NT5M: variants seen among roughly 807,000 people sequenced by gnomAD.
NT5M encodes 5',3'-nucleotidase, mitochondrial.
In NT5M, 22 loss-of-function variants were observed where a neutral mutation model predicts 22.2. The observed-to-expected ratio is 0.99, with a 90% CI of 0.71 to 1.41. The LOEUF (loss-of-function observed/expected upper bound fraction) is 1.41. NT5M is among the 40% of genes most tolerant of loss of function. The pLI is 0.00. For missense variants in NT5M, 322 were observed against 314.8 expected (o/e 1.02, Z -0.17); for synonymous variants, 167 against 133.0 (o/e 1.26, Z -1.76).
At chr17:17,307,963 T>G (rs954821656) in intron 2 of NT5M, among the ~76,000 whole-genome samples, 45 of 151,766 alleles carry the variant, frequency 3.0e-4, no homozygotes, top group African/African-American at 1.0e-3. Flanking sequence ...AGCAGGAGAA[T>G]AGCTTGAGCC....
At chr17:17,319,100 G>A (rs1275004687) in intron 2 of NT5M, among the ~76,000 whole-genome samples, 1 of 151,724 alleles carries the variant, frequency 6.6e-6, no homozygotes, top group Admixed American at 6.6e-5. Flanking sequence ...AATCCCAGCT[G>A]CTTGCGGGGA....
chr17:17,332,475 C>G lies in NT5M; in HGVS notation c.429+9230C>G, dbSNP rs28616155. ...CTCCTAGGTCTTGGAGAGAGCGCCT[C>G]CCCTGGGAGTCCTGCCAGCAATTCT... On this transcript the variant is annotated intron_variant, in intron 3 of 4. Coordinates refer to ENST00000389022, the MANE Select transcript of NT5M (RefSeq NM_020201.4). 3.1e-3 allele frequency among the ~76,000 whole-genome samples: 473 copies of G among 152,290 alleles called. 3 individuals are homozygous for G. Among genetic ancestry groups the G allele is most frequent in the African/African-American group, 0.01 (426 of 41,564 alleles).
At chr17:17,338,008 G>A (rs1028314869) in intron 3 of NT5M, among the ~76,000 whole-genome samples, 1 of 152,118 alleles carries the variant, frequency 6.6e-6, no homozygotes, top group Non-Finnish European at 1.5e-5. Context: ...TTTCCCCAAT[G>A]TTTTCTTTTA....
At chr17:17,325,487 C>T (rs1051878488) in intron 3 of NT5M, among the ~76,000 whole-genome samples, 8 of 152,100 alleles carry the variant, frequency 5.3e-5, no homozygotes, top group Admixed American at 2.6e-4. Flanking sequence ...GGACCGATTT[C>T]GAAAACGTGC....
At position 17,344,788 on chromosome 17, in the gene NT5M, G is replaced by A. The variant is rs372120389; in HGVS notation, c.430-6G>A. 28 of 1,613,570 alleles carry A rather than the reference G, an allele frequency of 1.7e-5. No homozygotes were observed. Among genetic ancestry groups the A allele is most frequent in the African/African-American group, 1.2e-4 (9 of 74,922 alleles). On this transcript the variant is annotated splice_region_variant and splice_polypyrimidine_tract_variant and intron_variant, in intron 3 of 4. Transcript: ENST00000389022. ...TCACCACCTGCCCTTGCCTGTTTGC[G>A]TCCAGTATGCCTGGGTGGAGAAGTA...
chr17:17,342,037 GA>G (rs77325414), intron 3 of NT5M, among the ~76,000 whole-genome samples: 2,518 of 140,346 alleles, frequency 0.018, 52 homozygotes, highest in African/African-American at 0.057. Flanking sequence ...TCAAAAAAAA[GA>G]AAAAAAAAAA....
intron 3 of NT5M, among the ~76,000 whole-genome samples, chr17:17,339,016 C>T (rs955670490): frequency 2.6e-5 from 4 of 152,026 alleles, no homozygotes; most frequent in Admixed American, 1.3e-4. Flanking sequence ...CGTGAGCCAC[C>T]GCACCTGGCC....
chr17:17,307,955 CAGG>C (rs1327888780), intron 2 of NT5M, among the ~76,000 whole-genome samples: 2 of 152,014 alleles, frequency 1.3e-5, no homozygotes, highest in South Asian at 2.1e-4. Context: ...GAGGCTGAAG[CAGG>C]AGAATAGCTT....
intron 2 of NT5M, 82 bp from the exon 3 acceptor site, chr17:17,323,103 G>A (rs112988650): frequency 2.7e-6 from 3 of 1,099,972 alleles, no homozygotes; most frequent in African/African-American, 1.5e-5. Context: ...GTCCAGCCCT[G>A]TGAAGGCAGG....
intron 3 of NT5M, among the ~76,000 whole-genome samples, chr17:17,324,494 C>G (rs116044900): frequency 0.021 from 1,603 of 77,390 alleles, 45 homozygotes; most frequent in African/African-American, 0.069. Flanking sequence ...CACAAAAAAA[C>G]TTAATTTAAA....
chr17:17,323,297 G>C, intron 3 of NT5M, 52 bp downstream of exon 3: 1 of 1,471,454 alleles, frequency 6.8e-7, no homozygotes, highest in Non-Finnish European at 9.5e-7. Context: ...TCACAGGTGA[G>C]GGGTACGGGG....
Position 17,336,931 on chromosome 17 carries a change from A to G in NT5M, c.430-7863A>G, listed in dbSNP as rs188429021. On this transcript the variant is annotated intron_variant, in intron 3 of 4. Transcript: ENST00000389022. ...CTGAGGTTGCTTCCAAATTTTGGCT[A>G]TTGTGAATAGTGCTGCAATAAACAT... is the stretch of plus-strand genomic sequence containing the variant. Among the ~76,000 whole-genome samples the G allele has an allele frequency of 2.0e-5, 3 of 152,210 alleles. No individual in the cohort carries two copies. In the East Asian group the frequency reaches 5.8e-4, roughly 29 times the overall value.
At chr17:17,325,988 C>G (rs1026691147) in intron 3 of NT5M, among the ~76,000 whole-genome samples, 2 of 152,200 alleles carry the variant, frequency 1.3e-5, no homozygotes, top group Non-Finnish European at 2.9e-5. Context: ...CCTGTGCAGG[C>G]TGGGCTCTCA....
At chr17:17,344,243 A>G (rs998870355) in intron 3 of NT5M, among the ~76,000 whole-genome samples, 2 of 152,280 alleles carry the variant, frequency 1.3e-5, no homozygotes, top group Middle Eastern at 3.4e-3. Context: ...GTCCTGAAGA[A>G]AGCCTTCCTT....
intron 4 of NT5M, among the ~76,000 whole-genome samples, chr17:17,346,203 T>G (rs1285917158): frequency 1.6e-5 from 2 of 122,930 alleles, no homozygotes; most frequent in African/African-American, 3.1e-5. Flanking sequence ...GTCTGTGGGG[T>G]CCCGTGACCT....
At chr17:17,345,246 C>G (rs2049732956) in intron 4 of NT5M, 1 of 1,098,550 alleles carries the variant, frequency 9.1e-7, no homozygotes, top group Non-Finnish European at 1.1e-6. Context: ...CCCATTTTTT[C>G]CCCCAAAAGC....
At chr17:17,309,787 A>G (rs1449000190) in intron 2 of NT5M, among the ~76,000 whole-genome samples, 2 of 150,842 alleles carry the variant, frequency 1.3e-5, no homozygotes, top group Non-Finnish European at 2.9e-5. Flanking sequence ...AGAGAAATAC[A>G]CAAAAATTGG....
chr17:17,319,353 T>C (rs563310114), intron 2 of NT5M, among the ~76,000 whole-genome samples: 2 of 152,332 alleles, frequency 1.3e-5, no homozygotes, highest in Non-Finnish European at 2.9e-5. Flanking sequence ...TGGAAGTGTC[T>C]TTAAATTCGA....
chr17:17,345,503 A>ATACAAAAAT (rs2049739005), intron 4 of NT5M, among the ~76,000 whole-genome samples: 1 of 152,130 alleles, frequency 6.6e-6, no homozygotes, highest in African/African-American at 2.4e-5. Context: ...TCTACAAAAA[A>ATACAAAAAT]TACAAAAATT....
Sources: allele counts gnomAD v4.1 joint callset (sites outside exome capture counted in the v4.1 genomes callset), GRCh38; gene constraint gnomAD v4.1.1; transcripts MANE v1.5; gene names NCBI Gene and HGNC (gene_info 2026-07-23, HGNC 2026-07-21).